The following RMND5B variants were observed in gnomAD, a reference collection of about 807,000 sequenced individuals.
RMND5B encodes the protein E3 ubiquitin-protein transferase RMND5B.
Under a neutral mutation model 50.4 loss-of-function variants are expected in RMND5B, and 42 were observed. The ratio of observed to expected loss-of-function variants is 0.83; its 90% confidence interval spans 0.65 to 1.08. The LOEUF (loss-of-function observed/expected upper bound fraction) is 1.08. Ranked by LOEUF, RMND5B falls within the 50% of genes least tolerant of loss-of-function variation. RMND5B has a pLI of 0.00. For synonymous variants in RMND5B, 220 were observed against 210.0 expected (o/e 1.05, Z -0.41); for missense variants, 463 against 508.5 (o/e 0.91, Z 0.86).
intron 1 of RMND5B, 70 bp from the exon 2 acceptor site, chr5:178,131,167 C>T (rs1420985722): frequency 6.6e-6 from 1 of 152,262 alleles, no homozygotes; most frequent in Non-Finnish European, 1.5e-5. Flanking sequence ...GGGCCCCAGC[C>T]TTCTCCAGAA....
rs1162722100 is a variant in RMND5B at position 178,148,873 on chromosome 5, T to G, written c.*841T>G. On this transcript the variant is annotated 3_prime_UTR_variant, in exon 11 of 11. Transcript: ENST00000313386. ...GCTCACAGCTTAGAAAGGAGAGAGC[T>G]TGGAGTTTTAACCAGATCTGACCCT... The G allele has an allele frequency of 6.6e-6, 1 of 152,292 alleles. No homozygotes were observed. The highest frequency in any genetic ancestry group is 2.1e-4 in the South Asian group (1 of 4,822). 9.4% of individuals were successfully genotyped at this position (152,292 alleles called of 1,614,324 possible). A position where few individuals can be genotyped will look rare whatever the true frequency, so the allele number is the denominator to read the frequency against.
Position 178,146,264 on chromosome 5 carries a change from C to G in RMND5B, c.845C>G (p.Ser282Cys). 2 of 1,613,956 alleles carry G rather than the reference C, an allele frequency of 1.2e-6. No homozygotes were observed. Among genetic ancestry groups the G allele is most frequent in the African/African-American group, 1.3e-5 (1 of 75,036 alleles). ...TCCCTGCTGGGGCTTTCTGTGGAGT[C>G]CCCCCTTAGCGTCAGGTACAACCCA... is the stretch of plus-strand genomic sequence containing the variant. ...ACSLLGLSVESPLSVSFASGC... is the reference protein window; with the variant it reads ...ACSLLGLSVECPLSVSFASGC... The change falls in exon 8 of 11, where the codon TCC becomes TGC. Residue 282 changes from serine (S) to cysteine (C), a missense_variant. Ser to Cys is a moderately radical substitution (Grantham distance 112). Transcript: ENST00000313386.
chr5:178,150,083 G>T lies in RMND5B; in HGVS notation c.*2051G>T. ...CTATGAAAGGGCTCCAGCCCAGCAG[G>T]GGCTGTCCCGGTCCCTGCCACCCCC... On this transcript the variant is annotated 3_prime_UTR_variant, in exon 11 of 11. Transcript: ENST00000313386. 1 of 403,808 alleles carries T rather than the reference G, an allele frequency of 2.5e-6. No homozygotes were observed. The highest frequency in any genetic ancestry group is 2.7e-5 in the South Asian group (1 of 37,568). The allele number at this position is 403,808 out of a possible 1,614,324, so 25.0% of individuals were successfully genotyped here. A position where few individuals can be genotyped will look rare whatever the true frequency, so the allele number is the denominator to read the frequency against.
chr5:178,147,976 T>C lies in RMND5B; in HGVS notation c.1126T>C (p.Cys376Arg), dbSNP rs1410513398. The C allele has an allele frequency of 1.9e-6, 3 of 1,614,124 alleles. No homozygotes were observed. Among genetic ancestry groups the C allele is most frequent in the Admixed American group, 1.7e-5 (1 of 60,010 alleles). Residue 376 changes from cysteine to arginine, a missense_variant, in exon 11 of 11, where the codon TGT (cysteine) becomes CGT (arginine). Cys to Arg is a radical substitution (Grantham distance 180). Transcript: ENST00000313386. ...NKLINGGKLKCPYCPMEQNPA... is the reference protein window; with the variant it reads ...NKLINGGKLKRPYCPMEQNPA... ...GTTCTCCTCCCTTTGCAGGCTGAAG[T>C]GTCCCTACTGTCCCATGGAGCAGAA...
chr5:178,135,329 G>A (rs1581111058), intron 2 of RMND5B: 1 of 192,838 alleles, frequency 5.2e-6, no homozygotes, highest in Non-Finnish European at 1.2e-5. Flanking sequence ...TTGCCGTGTT[G>A]CCCAAGCTAG....
In RMND5B at chr5:178,147,995, A is replaced by C; in HGVS notation, c.1145A>C (p.Glu382Ala). Residue 382 changes from glutamate (E) to alanine (A), a missense_variant, in exon 11 of 11, where the codon GAG (glutamate) becomes GCG (alanine). Physicochemically the swap from Glu to Ala is moderately radical, Grantham distance 107. Coordinates refer to ENST00000313386, the MANE Select transcript of RMND5B (RefSeq NM_022762.5). ...GKLKCPYCPMEQNPADGKRII... is the reference protein window; with the variant it reads ...GKLKCPYCPMAQNPADGKRII... ...CTGAAGTGTCCCTACTGTCCCATGG[A>C]GCAGAACCCGGCAGATGGGAAACGC... 1 of 1,613,800 alleles carries C rather than the reference A, an allele frequency of 6.2e-7. No homozygotes were observed. Among genetic ancestry groups the C allele is most frequent in the Non-Finnish European group, 8.5e-7 (1 of 1,179,962 alleles).
chr5:178,150,042 C>A lies in RMND5B; in HGVS notation c.*2010C>A, dbSNP rs1756226314. On this transcript the variant is annotated 3_prime_UTR_variant, in exon 11 of 11. Transcript: ENST00000313386. ...GCATGGTCCAGCCACACAGGGCCTA[C>A]ATTCCCACATGGCAACTATGAAAGG... 2.0e-6 allele frequency: 1 copy of A among 509,558 alleles called. No homozygotes were observed. Among genetic ancestry groups the A allele is most frequent in the South Asian group, 2.3e-5 (1 of 44,100 alleles). The allele number at this position is 509,558 out of a possible 1,614,324, so 31.6% of individuals were successfully genotyped here.
chr5:178,136,707 T>C (rs1322835364), intron 2 of RMND5B, among the ~76,000 whole-genome samples: 1 of 152,072 alleles, frequency 6.6e-6, no homozygotes, highest in Non-Finnish European at 1.5e-5. Context: ...CTCTTTCTCT[T>C]TGATGTTCCT....
rs1400919427 is a variant in RMND5B at position 178,148,956 on chromosome 5, C to G, written c.*924C>G. 1 of 152,346 alleles carries G rather than the reference C, an allele frequency of 6.6e-6. No homozygotes were observed. Among genetic ancestry groups the G allele is most frequent in the African/African-American group, 2.4e-5 (1 of 41,454 alleles). The allele number at this position is 152,346 out of a possible 1,614,324, so 9.4% of individuals were successfully genotyped here. ...TGCCTGAACTTGGCTGTTATGTATA[C>G]TGAGTCCTGTGCAGGGCCTCTGACA... On this transcript the variant is annotated 3_prime_UTR_variant, in exon 11 of 11. Transcript: ENST00000313386.
At chr5:178,132,316 CTG>C (rs1333789370) in intron 2 of RMND5B, among the ~76,000 whole-genome samples, 1 of 152,038 alleles carries the variant, frequency 6.6e-6, no homozygotes, top group Non-Finnish European at 1.5e-5. Flanking sequence ...TGGCAGGTGT[CTG>C]TAATTCCAGC....
chr5:178,148,918 G>C lies in RMND5B; in HGVS notation c.*886G>C, dbSNP rs1756184936. The C allele has an allele frequency of 6.6e-6, 1 of 152,310 alleles. No individual in the cohort carries two copies. Among genetic ancestry groups the C allele is most frequent in the Non-Finnish European group, 1.5e-5 (1 of 68,110 alleles). 9.4% of individuals were successfully genotyped at this position (152,310 alleles called of 1,614,324 possible). A position where few individuals can be genotyped will look rare whatever the true frequency, so the allele number is the denominator to read the frequency against. ...GACCCTCAAGCCCAAGCTATTTCCA[G>C]TTTATTCCAGGGTGCCTGAACTTGG... is the stretch of plus-strand genomic sequence containing the variant. On this transcript the variant is annotated 3_prime_UTR_variant, in exon 11 of 11. Transcript: ENST00000313386.
Position 178,143,024 on chromosome 5 carries a change from G to A in RMND5B, c.426+32G>A, listed in dbSNP as rs548423298. The A allele has an allele frequency of 4.5e-5, 72 of 1,588,878 alleles. 2 individuals are homozygous for A. The South Asian group carries it at 8.2e-4, about 18-fold the overall frequency. On this transcript the variant is annotated intron_variant, in intron 5 of 10. Transcript: ENST00000313386. ...TCGGGCTGGGCGGGCGCAACAACCT[G>A]CCTGCTCTGCCTTTCACCTGCTAGT...
At chr5:178,135,054 T>C (rs192604882) in intron 2 of RMND5B, 4 of 154,444 alleles carry the variant, frequency 2.6e-5, no homozygotes, top group African/African-American at 9.6e-5. Context: ...CAGGGCCTTT[T>C]TCTCCTTTGT....
At chr5:178,144,403 C>G (rs59768441) in intron 7 of RMND5B, among the ~76,000 whole-genome samples, 8 of 152,002 alleles carry the variant, frequency 5.3e-5, no homozygotes, top group African/African-American at 1.9e-4. Flanking sequence ...CCCACCTGTT[C>G]TGCCTCGTAT....
At chr5:178,143,062 A>T in intron 5 of RMND5B, 70 bp downstream of exon 5, 1 of 1,518,594 alleles carries the variant, frequency 6.6e-7, no homozygotes, top group Non-Finnish European at 8.9e-7. Flanking sequence ...TCACTGTATG[A>T]AGTCCCTACC....
At chr5:178,136,204 G>C (rs925548269) in intron 2 of RMND5B, 13 of 152,104 alleles carry the variant, frequency 8.5e-5, no homozygotes, top group African/African-American at 2.4e-4. Flanking sequence ...CTGCAAAGTG[G>C]GTCTAATCAT....
At chr5:178,141,220 C>T (rs917724484) in intron 3 of RMND5B, 3 of 152,176 alleles carry the variant, frequency 2.0e-5, no homozygotes, top group African/African-American at 7.2e-5. Flanking sequence ...TTAAAGTACT[C>T]TGTCCAGGTG....
Position 178,137,980 on chromosome 5 carries a change from T to C in RMND5B, c.-12-128T>C. 1.2e-6 allele frequency: 1 copy of C among 846,778 alleles called. No individual in the cohort carries two copies. Among genetic ancestry groups the C allele is most frequent in the Non-Finnish European group, 1.8e-6 (1 of 554,180 alleles). The allele number at this position is 846,778 out of a possible 1,614,324, so 52.5% of individuals were successfully genotyped here. ...AAACATAGGTACATATATACATATA[T>C]GTACAAAACATATAACATTGATACA... On this transcript the variant is annotated intron_variant, in intron 2 of 10. Transcript: ENST00000313386. The surrounding 1 kb of genome is among the most constrained non-coding windows in gnomAD (Gnocchi z 4.4).
chr5:178,144,216 C>A, intron 7 of RMND5B, 108 bp downstream of exon 7: 1 of 1,216,420 alleles, frequency 8.2e-7, no homozygotes, highest in Non-Finnish European at 1.1e-6. Context: ...CTGTCTGTTA[C>A]ACAGATGCCT....
Sources: gnomAD v4.1 joint callset for allele counts (sites outside exome capture counted in the v4.1 genomes callset) on GRCh38, gnomAD v4.1.1 for gene constraint, Gnocchi (gnomAD v3.1) non-coding constraint, MANE v1.5 for transcripts, NCBI Gene and HGNC (gene_info 2026-07-23, HGNC 2026-07-21) for gene names.